Variants in EEF2 observed in about 807,000 individuals in gnomAD.
EEF2 encodes the protein elongation factor 2.
Under a neutral mutation model 85.3 loss-of-function variants are expected in EEF2, and 21 were observed. The observed-to-expected ratio is 0.25, with a 90% CI of 0.17 to 0.35. EEF2 has a LOEUF of 0.35. Among genes scored for constraint, EEF2 ranks in the 10% least tolerant of loss-of-function variants. The probability of loss-of-function intolerance (pLI) is 1.00; values close to 1 mark genes in which losing one functional copy is unlikely to be tolerated. For missense variants in EEF2, 825 were observed against 1,225.3 expected, an observed-to-expected ratio of 0.67 and a Z score of 4.88; for synonymous variants, 723 against 508.8, an observed-to-expected ratio of 1.42 and a Z score of -5.67.
At chr19:3,985,072 T>C (rs1484224118) in intron 1 of EEF2, 1 of 371,644 alleles carries the variant, frequency 2.7e-6, no homozygotes, top group Non-Finnish European at 4.8e-6. Flanking sequence ...TCTCCCCGCT[T>C]CCACCGCGGT....
At position 3,977,323 on chromosome 19, in the gene EEF2, T is replaced by C. The variant is rs1177559635; in HGVS notation, c.2275A>G (p.Ile759Val). The C allele has an allele frequency of 1.3e-6, 2 of 1,596,656 alleles. No homozygotes were observed. The highest frequency in any genetic ancestry group is 1.7e-6 in the Non-Finnish European group (2 of 1,171,938). Residue 759 changes from isoleucine to valine, a missense_variant, in exon 14 of 15, where the codon ATC becomes GTC. Ile to Val is a conservative substitution (Grantham distance 29, BLOSUM62 3). Transcript: ENST00000309311. This position sits in a 1 kb window ranked among gnomAD's most constrained non-coding sequence, Gnocchi z 5.4. The part of the protein sequence containing the change: ...IQCPEQVVGG[I>V]YGVLNRKRGH... The stretch of plus-strand genomic sequence containing the variant: ...CGCTTCCTGTTCAAAACCCCGTAGA[T>C]GCCACCGACCACCTGCTCTGGACAC...
Position 3,982,328 on chromosome 19 carries a change from C to A in EEF2, c.709G>T (p.Ala237Ser). 6.2e-7 allele frequency: 1 copy of A among 1,614,142 alleles called. No homozygotes were observed. The highest frequency in any genetic ancestry group is 8.5e-7 in the Non-Finnish European group (1 of 1,180,016). ...CCCAACTGGCCCTCCCCCTTGGCGG[C>A]GAACTTGGCCACATACATCTCGGCA... ...QFAEMYVAKF[A>S]AKGEGQLGPA... is the part of the protein sequence containing the mutation. Residue 237 changes from alanine (A) to serine (S), a missense_variant, in exon 5 of 15, where the codon GCC becomes TCC. By Grantham distance (99) the Ala-to-Ser change is moderately conservative. Transcript: ENST00000309311.
In EEF2 at chr19:3,977,502, G is replaced by T. The variant is rs752178810; in HGVS notation, c.2176C>A (p.Arg726=). 2.5e-6 allele frequency: 4 copies of T among 1,590,988 alleles called. No homozygotes were observed. The highest frequency in any genetic ancestry group is 3.4e-6 in the Non-Finnish European group (4 of 1,174,166). ...AGCACACTGGCATAGAGGCAGCGCC[G>T]TGCTGTGGGGATGATCTGGCCCCCT... ...RGGGQIIPTA[R]RCLYASVLTA... The change falls in exon 13 of 15, where the codon CGG becomes AGG. Residue 726 remains arginine (R), a synonymous_variant. Transcript: ENST00000309311. The surrounding 1 kb of genome is among the most constrained non-coding windows in gnomAD (Gnocchi z 5.4).
rs1483395195 is a variant in EEF2, at chr19:3,976,283, T to C, written c.*271A>G. On this transcript the variant is annotated 3_prime_UTR_variant, in exon 15 of 15. Coordinates refer to ENST00000309311, the MANE Select transcript of EEF2 (RefSeq NM_001961.4). The stretch of plus-strand genomic sequence containing the variant: ...TCCCTCTGAAGAAATGGAAAAAGTG[T>C]TGGGTGTCCCATCCCGCCTCCCCCT... 2.3e-6 allele frequency: 1 copy of C among 439,326 alleles called. No homozygotes were observed. The allele number at this position is 439,326 out of a possible 1,614,324, so 27.2% of individuals were successfully genotyped here. A position where few individuals can be genotyped will look rare whatever the true frequency, so the allele number is the denominator to read the frequency against.
Position 3,980,857 on chromosome 19 carries a change from G to A in EEF2, c.1134C>T (p.Asp378=), listed in dbSNP as rs770867009. The A allele has an allele frequency of 1.2e-5, 18 of 1,564,960 alleles. No homozygotes were observed. The highest frequency in any genetic ancestry group is 3.5e-5 in the South Asian group (3 of 86,230). Residue 378 remains aspartate (D), a synonymous_variant, in exon 8 of 15, where the codon GAC becomes GAT. Coordinates refer to ENST00000309311, the MANE Select transcript of EEF2 (RefSeq NM_001961.4). The part of the protein sequence containing the change: ...RCELLYEGPP[D]DEAAMGIKSC... Reference sequence around the variant, plus strand: ...ACCACGTACCCATGGCAGCCTCGTCGTCCGGGGGCCCCTCGTACAGGAGCT... The same window carrying A: ...ACCACGTACCCATGGCAGCCTCGTCATCCGGGGGCCCCTCGTACAGGAGCT...
Position 3,979,428 on chromosome 19 carries a change from G to T in EEF2, c.1614C>A (p.Ile538=), listed in dbSNP as rs771347280. The part of the protein sequence containing the change: ...AKSDPMVQCI[I]EESGEHIIAG... ...CGATGATATGCTCTCCCGACTCCTC[G>T]ATGATGCACTGAAAGGGATGCGGGT... The change falls in exon 11 of 15, where the codon ATC becomes ATA. Residue 538 remains isoleucine (I), a synonymous_variant. Coordinates refer to ENST00000309311, the MANE Select transcript of EEF2 (RefSeq NM_001961.4). The T allele has an allele frequency of 3.7e-5, 60 of 1,613,448 alleles. No homozygotes were observed. In the East Asian group the frequency reaches 1.3e-3, roughly 35 times the overall value.
In EEF2 at chr19:3,981,395, G is replaced by A. The variant is rs143564195; in HGVS notation, c.955C>T (p.Leu319=). The change falls in exon 7 of 15, where the codon CTG becomes TTG. Residue 319 remains leucine (L), a synonymous_variant. Transcript: ENST00000309311. ...TCCTCGCTGTCCAGTTTGATGTCCA[G>A]TTTCTCTATCAGTTTTGCTGTCTCC... ...KEETAKLIEK[L]DIKLDSEDKD... is the part of the protein sequence containing the mutation. The A allele has an allele frequency of 5.6e-6, 9 of 1,614,098 alleles. No homozygotes were observed. Among genetic ancestry groups the A allele is most frequent in the Admixed American group, 1.7e-5 (1 of 60,004 alleles).
chr19:3,979,342 C>T lies in EEF2; in HGVS notation c.1700G>A (p.Cys567Tyr), dbSNP rs867330013. ...CTGGCGCCTCACCTTGATGGGGATG[C>T]AGGCGTGGTCCTCCTCCAGGTCCTT... is the stretch of plus-strand genomic sequence containing the variant. ...CLKDLEEDHACIPIKKSDPVV... is the reference protein window; with the variant it reads ...CLKDLEEDHAYIPIKKSDPVV... The change falls in exon 11 of 15, where the codon TGC becomes TAC. Residue 567 changes from cysteine to tyrosine, a missense_variant. By Grantham distance (194) the Cys-to-Tyr change is radical. Coordinates refer to ENST00000309311, the MANE Select transcript of EEF2 (RefSeq NM_001961.4). 1 of 1,613,834 alleles carries T rather than the reference C, an allele frequency of 6.2e-7. No homozygotes were observed. Among genetic ancestry groups the T allele is most frequent in the Non-Finnish European group, 8.5e-7 (1 of 1,179,818 alleles).
Position 3,976,755 on chromosome 19 carries a change from G to T in EEF2, c.2384-8C>A. 6.4e-7 allele frequency: 1 copy of T among 1,552,050 alleles called. No homozygotes were observed. The highest frequency in any genetic ancestry group is 1.2e-5 in the South Asian group (1 of 83,734). On this transcript the variant is annotated splice_polypyrimidine_tract_variant and splice_region_variant and intron_variant, in intron 14 of 14. Transcript: ENST00000309311. ...TCAGGTCAGCGGTGAAGCCTGCAGA[G>T]GGAAGCGAGAGGCTCACTGGGCCAT...
At chr19:3,981,012 T>TG in intron 7 of EEF2, 33 bp from the exon 8 acceptor site, 1 of 1,554,000 alleles carries the variant, frequency 6.4e-7, no homozygotes, top group Non-Finnish European at 8.7e-7. Context: ...ATGAGACACC[T>TG]GGGGAGCCCA....
chr19:3,982,296 G>T lies in EEF2; in HGVS notation c.741C>A (p.Ala247=). Residue 247 remains alanine, a synonymous_variant, in exon 5 of 15, where the codon GCC becomes GCA. Transcript: ENST00000309311. ...AAKGEGQLGP[A]ERAKKVEDMM... ...TGTCCTCTACTTTCTTGGCCCGCTC[G>T]GCAGGCCCCAACTGGCCCTCCCCCT... 1.2e-6 allele frequency: 2 copies of T among 1,614,110 alleles called. No individual in the cohort carries two copies. Among genetic ancestry groups the T allele is most frequent in the Non-Finnish European group, 1.7e-6 (2 of 1,180,012 alleles).
chr19:3,978,246 C>T, intron 11 of EEF2, 74 bp from the exon 12 acceptor site: 2 of 1,328,902 alleles, frequency 1.5e-6, no homozygotes, highest in East Asian at 2.6e-5. Context: ...TCCTTAAAAG[C>T]TTTTCCTAGC....
rs1376691613 is a variant in EEF2, at chr19:3,980,908, A to G, written c.1083T>C (p.Pro361=). The change falls in exon 8 of 15, where the codon CCT becomes CCC. Residue 361 remains proline, a synonymous_variant. Coordinates refer to ENST00000309311, the MANE Select transcript of EEF2 (RefSeq NM_001961.4). The part of the protein sequence containing the change: ...LQMITIHLPS[P]VTAQKYRCEL... The stretch of plus-strand genomic sequence containing the variant: ...CGCAGCGGTACTTCTGGGCCGTCAC[A>G]GGGGAGGGCAGGTGGATGGTGATCA... 3.8e-6 allele frequency: 6 copies of G among 1,566,900 alleles called. No homozygotes were observed. The highest frequency in any genetic ancestry group is 5.2e-6 in the Non-Finnish European group (6 of 1,156,994).
At chr19:3,983,077 CCAGGCCGTGCCT>C (rs781049709) in intron 3 of EEF2, 21 bp downstream of exon 3, 7 of 1,611,908 alleles carry the variant, frequency 4.3e-6, no homozygotes, top group Non-Finnish European at 5.9e-6. Context: ...GCCCCCGGTT[CCAGGCCGTGCCT>C]CAGGGGGACC....
chr19:3,983,749 A>G (rs2039784834), intron 2 of EEF2: 1 of 319,416 alleles, frequency 3.1e-6, no homozygotes, highest in Non-Finnish European at 6.0e-6. Flanking sequence ...CCCCCTACTC[A>G]TATCGGGGCC....
Position 3,979,428 on chromosome 19 carries a change from G to C in EEF2, c.1614C>G (p.Ile538Met), listed in dbSNP as rs771347280. The stretch of plus-strand genomic sequence containing the variant: ...CGATGATATGCTCTCCCGACTCCTC[G>C]ATGATGCACTGAAAGGGATGCGGGT... ...AKSDPMVQCI[I>M]EESGEHIIAG... Residue 538 changes from isoleucine to methionine, a missense_variant, in exon 11 of 15, where the codon ATC becomes ATG. Coordinates refer to ENST00000309311, the MANE Select transcript of EEF2 (RefSeq NM_001961.4). The C allele has an allele frequency of 6.2e-7, 1 of 1,613,448 alleles. No homozygotes were observed. The highest frequency in any genetic ancestry group is 8.5e-7 in the Non-Finnish European group (1 of 1,179,900).
intron 2 of EEF2, chr19:3,983,925 T>A (rs2039787730): frequency 1.7e-6 from 1 of 592,892 alleles, no homozygotes; most frequent in Non-Finnish European, 3.0e-6. Context: ...TTAAGCCCCC[T>A]CCTCAAGAAA....
intron 1 of EEF2, 136 bp from the exon 2 acceptor site, chr19:3,984,486 T>C (rs1214589725): frequency 1.9e-5 from 17 of 898,278 alleles, no homozygotes; most frequent in Non-Finnish European, 2.8e-5. Flanking sequence ...GCCCACCGAA[T>C]CTTGCCAGCC....
chr19:3,983,307 A>T lies in EEF2; in HGVS notation c.219-16T>A. 1 of 1,609,144 alleles carries T rather than the reference A, an allele frequency of 6.2e-7. No homozygotes were observed. Among genetic ancestry groups the T allele is most frequent in the Non-Finnish European group, 8.5e-7 (1 of 1,177,288 alleles). On this transcript the variant is annotated splice_polypyrimidine_tract_variant and intron_variant, in intron 2 of 14. Coordinates refer to ENST00000309311, the MANE Select transcript of EEF2 (RefSeq NM_001961.4). ...GGAGATGGCACTGATGGAGGGAGGG[A>T]CTCGTCAGGGGGACAGGAGCCACAC...
Sources: allele counts gnomAD v4.1 joint callset, GRCh38; gene constraint gnomAD v4.1.1; non-coding constraint Gnocchi (gnomAD v3.1); transcripts MANE v1.5; gene names NCBI Gene and HGNC (gene_info 2026-07-23, HGNC 2026-07-21).